Variants in PXYLP1 observed in about 807,000 individuals in gnomAD.
The protein encoded by PXYLP1 is 2-phosphoxylose phosphatase 1.
Under a neutral mutation model 37.9 loss-of-function variants are expected in PXYLP1, and 17 were observed. That is an observed-to-expected ratio of 0.45 (90% CI 0.31 to 0.67). PXYLP1 has a LOEUF of 0.67. Ranked by LOEUF, PXYLP1 falls within the 30% of genes least tolerant of loss-of-function variation. PXYLP1 has a pLI of 0.07. For missense variants in PXYLP1, 511 were observed against 612.0 expected, an observed-to-expected ratio of 0.84 and a Z score of 1.74; for synonymous variants, 221 against 232.2, an observed-to-expected ratio of 0.95 and a Z score of 0.44.
chr3:141,245,499 G>A (rs971929604), intron 1 of PXYLP1, among the ~76,000 whole-genome samples: 19 of 152,146 alleles, frequency 1.2e-4, no homozygotes, highest in African/African-American at 4.1e-4. Context: ...GGTCAGGGAC[G>A]TTTTCTCTGT....
intron 1 of PXYLP1, among the ~76,000 whole-genome samples, chr3:141,233,760 C>T (rs1022818163): frequency 9.9e-5 from 15 of 152,216 alleles, no homozygotes; most frequent in African/African-American, 3.6e-4. Context: ...TGTGGAACTG[C>T]AGTATCTGTA....
chr3:141,232,093 C>T (rs1224034770), intron 1 of PXYLP1, 182 bp downstream of exon 1: 1 of 152,234 alleles, frequency 6.6e-6, no homozygotes, highest in East Asian at 1.9e-4. Context: ...AATCCCGCGA[C>T]TAAGCCTCCT....
chr3:141,272,454 T>C (rs1051597925), intron 2 of PXYLP1, among the ~76,000 whole-genome samples: 1 of 143,582 alleles, frequency 7.0e-6, no homozygotes, highest in Non-Finnish European at 1.5e-5. Context: ...CATGTCTCTC[T>C]AAACAAGTTT....
intron 2 of PXYLP1, among the ~76,000 whole-genome samples, chr3:141,270,655 A>C (rs770024697): frequency 9.9e-5 from 15 of 152,194 alleles, no homozygotes; most frequent in Non-Finnish European, 2.1e-4. Flanking sequence ...GGGGTGTTTT[A>C]GCTTATGAGG....
At chr3:141,264,297 A>G (rs1941458528) in intron 2 of PXYLP1, among the ~76,000 whole-genome samples, 1 of 152,224 alleles carries the variant, frequency 6.6e-6, no homozygotes, top group Non-Finnish European at 1.5e-5. Flanking sequence ...AGCATATGGT[A>G]GAACTTCCTA....
intron 1 of PXYLP1, chr3:141,234,352 A>G (rs1366697590): frequency 6.6e-6 from 1 of 152,036 alleles, no homozygotes; most frequent in African/African-American, 2.4e-5. Flanking sequence ...GAAGCTACTA[A>G]GTTTGTCTGC....
chr3:141,267,562 T>A (rs1486433292), intron 2 of PXYLP1: 1 of 152,080 alleles, frequency 6.6e-6, no homozygotes, highest in Admixed American at 6.5e-5. Context: ...TTTAATTTGC[T>A]TTTCCTCAGA....
chr3:141,282,483 A>AACACACACACAC lies in PXYLP1; in HGVS notation c.365+2999_365+3010dup, dbSNP rs3069374. ...CATCTGTTACTTTCTAACCCAGACA[A>AACACACACACAC]ACACACACACACACACACACACACA... is the stretch of plus-strand genomic sequence containing the variant. On this transcript the variant is annotated intron_variant, in intron 4 of 5. Transcript: ENST00000286353. Among the ~76,000 whole-genome samples the AACACACACACAC allele has an allele frequency of 3.2e-3, 475 of 147,638 alleles. 3 individuals are homozygous for AACACACACACAC. Among genetic ancestry groups the AACACACACACAC allele is most frequent in the African/African-American group, 0.01 (408 of 40,150 alleles).
rs57387403 is a variant in PXYLP1, at chr3:141,258,066, G to A, written c.-53-2057G>A. On this transcript the variant is annotated intron_variant, in intron 1 of 5. Coordinates refer to ENST00000286353, the MANE Select transcript of PXYLP1 (RefSeq NM_001037172.3). ...GCATGGAAGCAGGAAGTAGTTGAGGGACAAGACATGACCCAGCAGCAGAAA... is the reference window on the plus strand; with the variant it reads ...GCATGGAAGCAGGAAGTAGTTGAGGAACAAGACATGACCCAGCAGCAGAAA... Among the ~76,000 whole-genome samples the A allele has an allele frequency of 6.0e-4, 91 of 152,228 alleles. 1 individual carries two copies. Among genetic ancestry groups the A allele is most frequent in the African/African-American group, 2.0e-3 (83 of 41,534 alleles).
At chr3:141,264,601 G>A (rs1029201779) in intron 2 of PXYLP1, among the ~76,000 whole-genome samples, 1 of 152,194 alleles carries the variant, frequency 6.6e-6, no homozygotes, top group Non-Finnish European at 1.5e-5. Context: ...TTTGTCCAGT[G>A]GAGAAGAATC....
chr3:141,259,825 C>T (rs937102556), intron 1 of PXYLP1, among the ~76,000 whole-genome samples: 3 of 152,198 alleles, frequency 2.0e-5, no homozygotes, highest in Non-Finnish European at 2.9e-5. Context: ...ACATCCTTTG[C>T]GTTTTTCCTT....
intron 2 of PXYLP1, among the ~76,000 whole-genome samples, chr3:141,264,112 G>A (rs1026717): frequency 0.26 from 38,957 of 152,018 alleles, 7,766 homozygotes; most frequent in African/African-American, 0.56. Context: ...TCAGGGCCCC[G>A]ATTGGCCAGA....
rs1553750536 is a variant in PXYLP1 at position 141,239,527 on chromosome 3, T to TTCTC, written c.-54+7616_-54+7617insTCTC. 7.2e-5 allele frequency among the ~76,000 whole-genome samples: 11 copies of TTCTC among 152,012 alleles called. No individual in the cohort carries two copies. The South Asian group carries it at 1.0e-3, about 14-fold the overall frequency. ...TAAGTTAGCAGCATATGATTTTTTTTCTCTTGTGCATCTTGCTCTAATGAC... is the reference window on the plus strand; with the variant it reads ...TAAGTTAGCAGCATATGATTTTTTTTTCTCCTCTTGTGCATCTTGCTCTAATGAC... On this transcript the variant is annotated intron_variant, in intron 1 of 5. Coordinates refer to ENST00000286353, the MANE Select transcript of PXYLP1 (RefSeq NM_001037172.3).
intron 1 of PXYLP1, among the ~76,000 whole-genome samples, chr3:141,256,575 T>G (rs1941268087): frequency 2.0e-5 from 3 of 152,228 alleles, no homozygotes; most frequent in South Asian, 2.1e-4. Flanking sequence ...CCCCTACTCC[T>G]TGGGGTCCTA....
At chr3:141,243,077 C>A (rs1304911973) in intron 1 of PXYLP1, among the ~76,000 whole-genome samples, 1 of 152,146 alleles carries the variant, frequency 6.6e-6, no homozygotes, top group Non-Finnish European at 1.5e-5. Flanking sequence ...CAGGGAGGGA[C>A]CATGAGCTGT....
At chr3:141,266,304 G>A (rs891750208) in intron 2 of PXYLP1, among the ~76,000 whole-genome samples, 9 of 152,202 alleles carry the variant, frequency 5.9e-5, no homozygotes, top group African/African-American at 1.7e-4. Flanking sequence ...TGAGGCCCAC[G>A]GAGCATTACG....
intron 2 of PXYLP1, among the ~76,000 whole-genome samples, chr3:141,266,028 G>A (rs1941503068): frequency 6.6e-6 from 1 of 152,124 alleles, no homozygotes; most frequent in African/African-American, 2.4e-5. Flanking sequence ...CCTAAGAGTG[G>A]ACCTGAGGGT....
chr3:141,270,266 C>G (rs189442860), intron 2 of PXYLP1, among the ~76,000 whole-genome samples: 1 of 152,366 alleles, frequency 6.6e-6, no homozygotes, highest in East Asian at 1.9e-4. Flanking sequence ...GCAGATTCAA[C>G]TGTTTGATCA....
At chr3:141,260,334 T>C in intron 2 of PXYLP1, 80 bp downstream of exon 2, 1 of 1,499,856 alleles carries the variant, frequency 6.7e-7, no homozygotes, top group Non-Finnish European at 9.0e-7. Context: ...GCTTGTTTTA[T>C]AAATGAATGA....
Sources: gnomAD v4.1 joint callset for allele counts (sites outside exome capture counted in the v4.1 genomes callset) on GRCh38, gnomAD v4.1.1 for gene constraint, MANE v1.5 for transcripts, NCBI Gene and HGNC (gene_info 2026-07-23, HGNC 2026-07-21) for gene names.